Variants in PCDH15 observed in about 807,000 individuals in gnomAD.
PCDH15 encodes protocadherin-15.
In PCDH15, 129 loss-of-function variants were observed where a neutral mutation model predicts 178.5. The observed-to-expected ratio is 0.72, with a 90% CI of 0.63 to 0.84. The LOEUF is 0.84. Ranked by LOEUF, PCDH15 falls within the 40% of genes least tolerant of loss-of-function variation. PCDH15 has a pLI of 0.00. For missense variants in PCDH15, 2,230 were observed against 2,099.9 expected (o/e 1.06, Z -1.21); for synonymous variants, 800 against 732.0 (o/e 1.09, Z -1.50).
intron 2 of PCDH15, among the ~76,000 whole-genome samples, chr10:55,477,053 A>G (rs1368557053): frequency 1.3e-5 from 2 of 152,002 alleles, no homozygotes; most frequent in African/African-American, 4.8e-5. Context: ...GTAAGCAATA[A>G]TACCTTAATT....
At chr10:55,010,302 G>A (rs1161928181) in intron 2 of PCDH15, among the ~76,000 whole-genome samples, 1 of 152,012 alleles carries the variant, frequency 6.6e-6, no homozygotes, top group African/African-American at 2.4e-5. Flanking sequence ...AAATATGCTG[G>A]GAGGCCTGAC....
intron 2 of PCDH15, among the ~76,000 whole-genome samples, chr10:54,585,744 C>T (rs769428358): frequency 6.6e-6 from 1 of 152,128 alleles, no homozygotes; most frequent in Non-Finnish European, 1.5e-5. Flanking sequence ...CCGCAATCAA[C>T]TTCAGCAGGT....
chr10:54,544,366 T>G (rs1009497653), intron 2 of PCDH15, among the ~76,000 whole-genome samples: 7 of 152,172 alleles, frequency 4.6e-5, no homozygotes, highest in African/African-American at 1.7e-4. Context: ...AATAAAGTGC[T>G]AAGACAAGTA....
intron 15 of PCDH15, among the ~76,000 whole-genome samples, chr10:54,120,001 T>C (rs1232198341): frequency 1.3e-5 from 2 of 152,020 alleles, no homozygotes; most frequent in Non-Finnish European, 2.9e-5. Flanking sequence ...CAACTCCTAC[T>C]TAAAGGCAGA....
chr10:54,530,977 A>C (rs866841501), intron 2 of PCDH15, among the ~76,000 whole-genome samples: 2 of 152,212 alleles, frequency 1.3e-5, no homozygotes, highest in Non-Finnish European at 2.9e-5. Flanking sequence ...TATATTTAGA[A>C]TTGTCTTGGA....
At chr10:53,833,841 A>C (rs1169271188) in intron 29 of PCDH15, among the ~76,000 whole-genome samples, 2 of 151,986 alleles carry the variant, frequency 1.3e-5, no homozygotes, top group African/African-American at 4.8e-5. Context: ...TTAATATTGC[A>C]TAAATTTTCA....
At chr10:55,189,860 A>T (rs1839897147) in intron 1 of PCDH15, among the ~76,000 whole-genome samples, 1 of 151,932 alleles carries the variant, frequency 6.6e-6, no homozygotes, top group East Asian at 1.9e-4. Flanking sequence ...TTTTTATGGT[A>T]TTCACTAGAG....
At chr10:54,445,328 A>G (rs1167649167) in intron 3 of PCDH15, among the ~76,000 whole-genome samples, 3 of 151,496 alleles carry the variant, frequency 2.0e-5, no homozygotes, top group African/African-American at 4.8e-5. Context: ...AGGAGGTAGA[A>G]GTAAAATTTT....
Position 54,378,774 on chromosome 10 carries a change from T to C in PCDH15, c.318+8A>G, listed in dbSNP as rs1322735430. On this transcript the variant is annotated splice_region_variant and intron_variant, in intron 4 of 37. Transcript: ENST00000644397. The stretch of plus-strand genomic sequence containing the variant: ...ATATTACAGGGGCAAAGAAAAAAAA[T>C]CACTAACATCTCTATCCAGAACTCT... The C allele has an allele frequency of 3.7e-6, 6 of 1,613,162 alleles. No homozygotes were observed. The highest frequency in any genetic ancestry group is 1.7e-5 in the Admixed American group (1 of 59,890).
At chr10:55,192,167 T>C (rs1839960237) in intron 1 of PCDH15, among the ~76,000 whole-genome samples, 1 of 151,920 alleles carries the variant, frequency 6.6e-6, no homozygotes. Context: ...CATCCCACTC[T>C]GAATATCTAA....
At chr10:54,543,688 G>A (rs1431619867) in intron 2 of PCDH15, among the ~76,000 whole-genome samples, 2 of 151,966 alleles carry the variant, frequency 1.3e-5, no homozygotes, top group Non-Finnish European at 2.9e-5. Flanking sequence ...GACTAGCCAG[G>A]GGAAAAAAAA....
chr10:55,556,947 G>A (rs1842102909), intron 2 of PCDH15, among the ~76,000 whole-genome samples: 1 of 152,092 alleles, frequency 6.6e-6, no homozygotes, highest in Non-Finnish European at 1.5e-5. Flanking sequence ...TATTGAATGT[G>A]TTTTCACATT....
intron 2 of PCDH15, among the ~76,000 whole-genome samples, chr10:54,545,804 C>T (rs543406591): frequency 1.3e-5 from 2 of 152,094 alleles, no homozygotes; most frequent in Non-Finnish European, 2.9e-5. Context: ...TATATTGGAC[C>T]ACCCACTCTA....
intron 6 of PCDH15, 106 bp from the exon 7 acceptor site, chr10:54,329,812 C>T: frequency 1.3e-6 from 1 of 781,896 alleles, no homozygotes; most frequent in Non-Finnish European, 2.3e-6. Flanking sequence ...ACATGCTTAT[C>T]ATCTGAAAAT....
At chr10:54,536,138 G>C (rs2132843365) in intron 2 of PCDH15, among the ~76,000 whole-genome samples, 1 of 152,286 alleles carries the variant, frequency 6.6e-6, no homozygotes, top group African/African-American at 2.4e-5. Context: ...TAAGAACATA[G>C]CCTTTGAGAC....
Position 53,866,634 on chromosome 10 carries a change from C to G in PCDH15, c.3717+8G>C, listed in dbSNP as rs200556301. The G allele has an allele frequency of 4.8e-4, 769 of 1,611,006 alleles. 7 individuals carry two copies. In the African/African-American group the frequency reaches 8.9e-3, roughly 19 times the overall value. ...CTACTTCCCTTTCCTGAAGTTTTAT[C>G]TACTTACGAGTACATCGGCTTTGCC... is the stretch of plus-strand genomic sequence containing the variant. On this transcript the variant is annotated splice_region_variant and intron_variant, in intron 27 of 37. Coordinates refer to ENST00000644397, the MANE Select transcript of PCDH15 (RefSeq NM_001384140.1).
intron 2 of PCDH15, among the ~76,000 whole-genome samples, chr10:54,633,312 G>T (rs2093753991): frequency 6.6e-6 from 1 of 152,026 alleles, no homozygotes; most frequent in Admixed American, 6.6e-5. Flanking sequence ...GAGATGCAAG[G>T]GATGTTGGGT....
intron 30 of PCDH15, among the ~76,000 whole-genome samples, chr10:53,830,781 A>C (rs935369932): frequency 6.6e-6 from 1 of 152,232 alleles, no homozygotes; most frequent in Non-Finnish European, 1.5e-5. Context: ...AACTCTGGCA[A>C]AGCACCCAGG....
intron 2 of PCDH15, among the ~76,000 whole-genome samples, chr10:55,353,428 G>C (rs1210003997): frequency 6.6e-6 from 1 of 152,160 alleles, no homozygotes; most frequent in Non-Finnish European, 1.5e-5. Flanking sequence ...TTAGTGGAAA[G>C]AGCAAGTGTT....
Sources: gnomAD v4.1 joint callset for allele counts (sites outside exome capture counted in the v4.1 genomes callset) on GRCh38, gnomAD v4.1.1 for gene constraint, MANE v1.5 for transcripts, NCBI Gene and HGNC (gene_info 2026-07-23, HGNC 2026-07-21) for gene names.